Variants in HSPA9 observed in about 807,000 individuals in gnomAD.
HSPA9 encodes the protein stress-70 protein, mitochondrial.
HSPA9 carries 28 observed loss-of-function variants against 81.5 expected under a neutral mutation model. The ratio of observed to expected loss-of-function variants is 0.34; its 90% confidence interval spans 0.25 to 0.47. The LOEUF (loss-of-function observed/expected upper bound fraction) is 0.47, where lower values mean the gene tolerates loss of function less well. Among genes scored for constraint, HSPA9 ranks in the 20% least tolerant of loss-of-function variants. The pLI, the probability that HSPA9 is intolerant of heterozygous loss-of-function variation, is 1.00. For synonymous variants in HSPA9, 293 were observed against 290.4 expected, an observed-to-expected ratio of 1.01 and a Z score of -0.09; for missense variants, 678 against 838.0, an observed-to-expected ratio of 0.81 and a Z score of 2.36.
chr5:138,571,812 T>TTGTG (rs10694028), intron 3 of HSPA9, among the ~76,000 whole-genome samples: 11,701 of 146,146 alleles, frequency 0.08, 546 homozygotes, highest in African/African-American at 0.12. Context: ...CCAACTAATT[T>TTGTG]TGTGTGTGTG....
chr5:138,571,354 G>A (rs991509513), intron 3 of HSPA9, among the ~76,000 whole-genome samples: 1 of 151,752 alleles, frequency 6.6e-6, no homozygotes, highest in Non-Finnish European at 1.5e-5. Flanking sequence ...CTAATTTTTC[G>A]GCATTTTTTA....
intron 10 of HSPA9, among the ~76,000 whole-genome samples, chr5:138,560,337 G>A (rs1750627120): frequency 6.6e-6 from 1 of 152,148 alleles, no homozygotes; most frequent in Admixed American, 6.5e-5. Flanking sequence ...ATTCTCCTAA[G>A]TTTTATTATC....
chr5:138,557,331 C>G lies in HSPA9; in HGVS notation c.1728+71G>C, dbSNP rs568621210. 15 of 1,050,142 alleles carry G rather than the reference C, an allele frequency of 1.4e-5. No individual in the cohort carries two copies. The East Asian group carries it at 2.9e-4, about 21-fold the overall frequency. The allele number at this position is 1,050,142 out of a possible 1,614,324, so 65.1% of individuals were successfully genotyped here. A position where few individuals can be genotyped will look rare whatever the true frequency, so the allele number is the denominator to read the frequency against. The stretch of plus-strand genomic sequence containing the variant: ...GGATTACAGGAGTGAGACACTGCGC[C>G]CAGCCCCAAACTCCCACTGTCAAGA... On this transcript the variant is annotated intron_variant, in intron 14 of 16. Coordinates refer to ENST00000297185, the MANE Select transcript of HSPA9 (RefSeq NM_004134.7).
chr5:138,566,009 G>A (rs1750752056), intron 9 of HSPA9, among the ~76,000 whole-genome samples: 1 of 152,068 alleles, frequency 6.6e-6, no homozygotes, highest in Non-Finnish European at 1.5e-5. Context: ...CAACATGGCA[G>A]AACCCTGTCT....
intron 9 of HSPA9, among the ~76,000 whole-genome samples, chr5:138,564,316 C>A (rs1404175426): frequency 1.3e-5 from 2 of 152,206 alleles, no homozygotes; most frequent in Middle Eastern, 3.2e-3. Context: ...GTTGGCGAGG[C>A]TGGTCTGGAA....
At chr5:138,566,188 CAAAAAAAAAAAAAA>C (rs1186233815) in intron 9 of HSPA9, among the ~76,000 whole-genome samples, 20 of 59,694 alleles carry the variant, frequency 3.4e-4, no homozygotes, top group Admixed American at 1.5e-3. Context: ...AACTCTGTCT[CAAAAAAAAAAAAAA>C]AAAAAAAAAA....
chr5:138,558,308 A>G (rs2127153374), intron 12 of HSPA9, among the ~76,000 whole-genome samples: 1 of 151,032 alleles, frequency 6.6e-6, no homozygotes, highest in Admixed American at 6.6e-5. Flanking sequence ...AACCAGTAAC[A>G]ATATCAAATG....
At chr5:138,571,281 A>G in intron 3 of HSPA9, 140 bp from the exon 4 acceptor site, 2 of 826,954 alleles carry the variant, frequency 2.4e-6, no homozygotes, top group Non-Finnish European at 4.0e-6. Context: ...CCTGGGTTCA[A>G]GCGATTCTTC....
intron 4 of HSPA9, among the ~76,000 whole-genome samples, chr5:138,570,091 T>TGGG (rs902128004): frequency 6.6e-6 from 1 of 152,082 alleles, no homozygotes; most frequent in African/African-American, 2.4e-5. Flanking sequence ...TTGTCCAGGC[T>TGGG]GGTCTCGAAC....
intron 14 of HSPA9, 131 bp downstream of exon 14, chr5:138,557,268 AACG>A (rs1453442941): frequency 2.7e-6 from 2 of 729,182 alleles, no homozygotes; most frequent in African/African-American, 3.5e-5. Context: ...CCCGGCTTCA[AACG>A]ATCTGCCCAC....
At chr5:138,571,222 T>C in intron 3 of HSPA9, 81 bp from the exon 4 acceptor site, 1 of 1,409,240 alleles carries the variant, frequency 7.1e-7, no homozygotes, top group Non-Finnish European at 9.8e-7. Context: ...ACTCTGTCGC[T>C]AAGGCTGGAG....
At chr5:138,559,059 G>T in intron 11 of HSPA9, 4 of 195,354 alleles carry the variant, frequency 2.0e-5, no homozygotes, top group East Asian at 2.4e-4. Context: ...AACAACCATA[G>T]TTTTATGGAA....
At position 138,571,529 on chromosome 5, in the gene HSPA9, TC is replaced by T. The variant is rs41295703; in HGVS notation, c.229-389del. Among the ~76,000 whole-genome samples, 347 of 152,004 alleles carry T rather than the reference TC, an allele frequency of 2.3e-3. 4 individuals carry two copies. The East Asian group carries it at 0.026, about 12-fold the overall frequency. ...CAATCATTTAAGACACAGAAACAGC[TC>T]CCAAATTGCGAAACAAATGCACATC... On this transcript the variant is annotated intron_variant, in intron 3 of 16. Coordinates refer to ENST00000297185, the MANE Select transcript of HSPA9 (RefSeq NM_004134.7).
intron 9 of HSPA9, among the ~76,000 whole-genome samples, chr5:138,564,395 C>T (rs904356358): frequency 1.3e-5 from 2 of 152,210 alleles, no homozygotes; most frequent in Non-Finnish European, 2.9e-5. Context: ...TGAGCCACTG[C>T]GTGCGGCCCC....
At position 138,555,245 on chromosome 5, in the gene HSPA9, G is replaced by T. The variant is rs1272115995; in HGVS notation, c.*792C>A. 1 of 151,990 alleles carries T rather than the reference G, an allele frequency of 6.6e-6. No homozygotes were observed. The highest frequency in any genetic ancestry group is 1.9e-4 in the East Asian group (1 of 5,194). 9.4% of individuals were successfully genotyped at this position (151,990 alleles called of 1,614,324 possible). ...TTTTTAACCAGTGTTAGCAAATCCTGTATTTCCCTCTTTGGGAAATATGGG... is the reference window on the plus strand; with the variant it reads ...TTTTTAACCAGTGTTAGCAAATCCTTTATTTCCCTCTTTGGGAAATATGGG... On this transcript the variant is annotated 3_prime_UTR_variant, in exon 17 of 17. Transcript: ENST00000297185.
rs1366160194 is a variant in HSPA9 at position 138,575,248 on chromosome 5, G to A, written c.71C>T (p.Ala24Val). The A allele has an allele frequency of 6.2e-7, 1 of 1,603,938 alleles. No individual in the cohort carries two copies. ...GTCCCAGTTCCTCACCTGGTGGCGGGCGGCCGTAGGGCCCCGGGAGGCTGC... is the reference window on the plus strand; with the variant it reads ...GTCCCAGTTCCTCACCTGGTGGCGGACGGCCGTAGGGCCCCGGGAGGCTGC... ...GAAASRGPTAARHQDSWNGLS... is the reference protein window; with the variant it reads ...GAAASRGPTAVRHQDSWNGLS... The change falls in exon 1 of 17, where the codon GCC becomes GTC. Residue 24 changes from alanine (A) to valine (V), a missense_variant. Physicochemically the swap from Ala to Val is moderately conservative, Grantham distance 64. Transcript: ENST00000297185.
chr5:138,571,427 T>C (rs1750886899), intron 3 of HSPA9, among the ~76,000 whole-genome samples: 1 of 150,926 alleles, frequency 6.6e-6, no homozygotes, highest in East Asian at 2.0e-4. Flanking sequence ...TCAGGTGATC[T>C]GCCCGCCTCA....
intron 12 of HSPA9, among the ~76,000 whole-genome samples, chr5:138,558,212 G>GT (rs1167851965): frequency 7.2e-5 from 11 of 152,218 alleles, no homozygotes; most frequent in Non-Finnish European, 1.6e-4. Flanking sequence ...CATAATGGCT[G>GT]TATGTACCTG....
At chr5:138,559,594 T>C (rs1416683059) in intron 11 of HSPA9, 2 of 422,240 alleles carry the variant, frequency 4.7e-6, no homozygotes, top group South Asian at 2.1e-5. Context: ...TGAGATCCCT[T>C]TTAGCAAATT....
Sources: gnomAD v4.1 joint callset for allele counts (sites outside exome capture counted in the v4.1 genomes callset) on GRCh38, gnomAD v4.1.1 for gene constraint, MANE v1.5 for transcripts, NCBI Gene and HGNC (gene_info 2026-07-23, HGNC 2026-07-21) for gene names.